The following NRG1 variants were observed in gnomAD, a reference collection of about 807,000 sequenced individuals.
NRG1 encodes the protein neuregulin 1, also known as pro-neuregulin-1, membrane-bound isoform.
A neutral mutation model predicts 63.8 loss-of-function variants in NRG1; 18 were observed. The observed-to-expected ratio is 0.28, with a 90% CI of 0.19 to 0.42. NRG1 has a LOEUF of 0.42. Among genes scored for constraint, NRG1 ranks in the 10% least tolerant of loss-of-function variants. NRG1 has a pLI of 1.00. For missense variants in NRG1, 762 were observed against 814.7 expected (o/e 0.94, Z 0.79); for synonymous variants, 302 against 301.3 (o/e 1.00, Z -0.02).
intron 1 of NRG1, among the ~76,000 whole-genome samples, chr8:31,802,048 T>G (rs1462749579): frequency 6.6e-6 from 1 of 152,208 alleles, no homozygotes; most frequent in African/African-American, 2.4e-5. Flanking sequence ...TCACCGGTAT[T>G]AAACAGTGTC....
intron 1 of NRG1, among the ~76,000 whole-genome samples, chr8:31,969,837 T>C (rs1226635878): frequency 1.3e-5 from 2 of 152,150 alleles, no homozygotes; most frequent in Admixed American, 1.3e-4. Flanking sequence ...ATGTGTGCTC[T>C]GGGCAGGGGT....
chr8:32,760,473 G>T (rs973374802), intron 11 of NRG1, 67 bp downstream of exon 11: 44 of 1,601,340 alleles, frequency 2.7e-5, no homozygotes, highest in Middle Eastern at 2.3e-4. Context: ...GAGCACCTGC[G>T]GTCTCACCTC....
At chr8:32,112,708 A>C (rs891153704) in intron 1 of NRG1, among the ~76,000 whole-genome samples, 2 of 152,158 alleles carry the variant, frequency 1.3e-5, no homozygotes, top group Non-Finnish European at 2.9e-5. Context: ...TTTTCTTCAT[A>C]GAAGTGGTGG....
At chr8:32,083,145 A>G (rs1827725911) in intron 1 of NRG1, among the ~76,000 whole-genome samples, 1 of 152,176 alleles carries the variant, frequency 6.6e-6, no homozygotes, top group African/African-American at 2.4e-5. Context: ...CTGCATGAAA[A>G]GGCCAAGCTT....
intron 1 of NRG1, among the ~76,000 whole-genome samples, chr8:32,422,097 A>C (rs1049447474): frequency 1.3e-5 from 2 of 152,180 alleles, no homozygotes; most frequent in African/African-American, 4.8e-5. Flanking sequence ...TATGCAATAT[A>C]TCCACATAAC....
At chr8:32,126,561 A>T (rs1172167122) in intron 1 of NRG1, among the ~76,000 whole-genome samples, 2 of 151,816 alleles carry the variant, frequency 1.3e-5, no homozygotes, top group Non-Finnish European at 2.9e-5. Context: ...TTCCCCAGGG[A>T]TGCCCTAATA....
chr8:32,009,101 C>T (rs406675), intron 1 of NRG1, among the ~76,000 whole-genome samples: 4,160 of 152,098 alleles, frequency 0.027, 194 homozygotes, highest in African/African-American at 0.095. Flanking sequence ...CTCTGACTCT[C>T]TTATAAACTC....
chr8:31,967,960 T>C (rs866236600), intron 1 of NRG1, among the ~76,000 whole-genome samples: 7 of 152,306 alleles, frequency 4.6e-5, no homozygotes, highest in Non-Finnish European at 7.4e-5. Context: ...GCCCACCTTC[T>C]GGAGGTTCAG....
Position 31,820,433 on chromosome 8 carries a change from C to T in NRG1, c.37+181002C>T, listed in dbSNP as rs138823319. On this transcript the variant is annotated intron_variant, in intron 1 of 10. Transcript: ENST00000519301. ...CATGAGCATATGGCTCCAGAGGAGACGCATCTCTAAACCTCTCAGGAACAG... is the reference window on the plus strand; with the variant it reads ...CATGAGCATATGGCTCCAGAGGAGATGCATCTCTAAACCTCTCAGGAACAG... 7.3e-3 allele frequency among the ~76,000 whole-genome samples: 1,110 copies of T among 152,240 alleles called. 46 individuals carry two copies. In the South Asian group the frequency reaches 0.11, roughly 16 times the overall value.
At chr8:31,848,384 G>A (rs1826886971) in intron 1 of NRG1, among the ~76,000 whole-genome samples, 1 of 152,124 alleles carries the variant, frequency 6.6e-6, no homozygotes, top group South Asian at 2.1e-4. Context: ...CATTCCCTAA[G>A]GATCCATGGA....
intron 1 of NRG1, among the ~76,000 whole-genome samples, chr8:31,796,232 C>G (rs1821190103): frequency 6.6e-6 from 1 of 151,982 alleles, no homozygotes; most frequent in African/African-American, 2.4e-5. Flanking sequence ...ACTTCCTGCT[C>G]AGGCTTTTAT....
At chr8:31,741,613 TA>T (rs1343242035) in intron 1 of NRG1, among the ~76,000 whole-genome samples, 1 of 151,886 alleles carries the variant, frequency 6.6e-6, no homozygotes, top group African/African-American at 2.4e-5. Context: ...CGATAAACAT[TA>T]AAAGGTGCTG....
At chr8:32,091,416 T>C (rs1829140919) in intron 1 of NRG1, among the ~76,000 whole-genome samples, 1 of 152,154 alleles carries the variant, frequency 6.6e-6, no homozygotes, top group South Asian at 2.1e-4. Context: ...ATTTCTGAAG[T>C]AATAATAAAA....
At chr8:32,548,695 C>T (rs774301191) in exon 1 of NRG1, 2 of 1,556,656 alleles carry the variant, frequency 1.3e-6, no homozygotes, top group South Asian at 1.2e-5. Context: ...GCGCCGAGAG[C>T]CGTCCGCGTA....
At chr8:32,284,501 T>G (rs3963393) in intron 1 of NRG1, among the ~76,000 whole-genome samples, 284 of 106,436 alleles carry the variant, frequency 2.7e-3, no homozygotes, top group South Asian at 7.1e-3. Flanking sequence ...CTTCCTTCCT[T>G]CCTTCCTTCC....
chr8:32,207,835 A>G (rs1844236821), intron 1 of NRG1, among the ~76,000 whole-genome samples: 1 of 152,198 alleles, frequency 6.6e-6, no homozygotes, highest in Non-Finnish European at 1.5e-5. Flanking sequence ...TCTCTAGCCC[A>G]TTAGAATAAT....
intron 1 of NRG1, among the ~76,000 whole-genome samples, chr8:32,349,853 C>T (rs1409423932): frequency 1.3e-5 from 2 of 152,210 alleles, no homozygotes; most frequent in African/African-American, 4.8e-5. Flanking sequence ...CTTTCTGATT[C>T]TCTGTCTTCC....
At chr8:32,248,056 C>T (rs975159227) in intron 1 of NRG1, among the ~76,000 whole-genome samples, 24 of 152,076 alleles carry the variant, frequency 1.6e-4, no homozygotes, top group African/African-American at 4.6e-4. Flanking sequence ...CAACTTTCTA[C>T]GTCTATTCAG....
chr8:32,290,528 G>T (rs1441699000), intron 1 of NRG1, among the ~76,000 whole-genome samples: 1 of 151,936 alleles, frequency 6.6e-6, no homozygotes, highest in African/African-American at 2.4e-5. Context: ...ATTTTTTTGA[G>T]GCTCAGAGGA....
Sources: gnomAD v4.1 joint callset for allele counts (sites outside exome capture counted in the v4.1 genomes callset) on GRCh38, gnomAD v4.1.1 for gene constraint, MANE v1.5 for transcripts, NCBI Gene and HGNC (gene_info 2026-07-23, HGNC 2026-07-21) for gene names.